SLC18A2: variants seen among roughly 807,000 people sequenced by gnomAD.
SLC18A2 encodes the protein solute carrier family 18 member A2, also known as synaptic vesicular amine transporter.
A neutral mutation model predicts 59.2 loss-of-function variants in SLC18A2; 33 were observed. The ratio of observed to expected loss-of-function variants is 0.56; its 90% confidence interval spans 0.42 to 0.75. The LOEUF is 0.75. SLC18A2 is among the 30% of genes least tolerant of loss of function. The pLI, the probability that SLC18A2 is intolerant of heterozygous loss-of-function variation, is 0.00. For synonymous variants in SLC18A2, 228 were observed against 253.5 expected (o/e 0.90, Z 0.95); for missense variants, 569 against 668.6 (o/e 0.85, Z 1.64).
At chr10:117,262,107 A>C (rs1565006471) in intron 10 of SLC18A2, among the ~76,000 whole-genome samples, 3 of 152,136 alleles carry the variant, frequency 2.0e-5, no homozygotes, top group Admixed American at 6.5e-5. Flanking sequence ...GGGTTTCACT[A>C]TCTTGGCCAG....
Position 117,256,780 on chromosome 10 carries a change from C to T in SLC18A2, c.896-1017C>T, listed in dbSNP as rs144441587. Among the ~76,000 whole-genome samples the T allele has an allele frequency of 3.3e-3, 497 of 152,194 alleles. 2 individuals carry two copies. Among genetic ancestry groups the T allele is most frequent in the African/African-American group, 0.011 (469 of 41,524 alleles). On this transcript the variant is annotated intron_variant, in intron 9 of 15. Coordinates refer to ENST00000644641, the MANE Select transcript of SLC18A2 (RefSeq NM_003054.6). ...GGAACCCTGGCATCTGAGGTGGGGA[C>T]GAGGAGGTATGGTGAGGGACGGGGG...
Position 117,249,786 on chromosome 10 carries a change from T to C in SLC18A2, c.465-3613T>C, listed in dbSNP as rs927611387. Among the ~76,000 whole-genome samples the C allele has an allele frequency of 1.1e-4, 17 of 152,094 alleles. 1 individual carries two copies. The highest frequency in any genetic ancestry group is 1.0e-3 in the Admixed American group (16 of 15,240). ...GTATATATAATTAACATAACTTTTA[T>C]TGTTTTACATGTTTTTCTAGGGATT... On this transcript the variant is annotated intron_variant, in intron 3 of 15. Coordinates refer to ENST00000644641, the MANE Select transcript of SLC18A2 (RefSeq NM_003054.6).
At chr10:117,257,097 T>A (rs1348209165) in intron 9 of SLC18A2, among the ~76,000 whole-genome samples, 1 of 152,198 alleles carries the variant, frequency 6.6e-6, no homozygotes, top group African/African-American at 2.4e-5. Context: ...ATGTGCACCT[T>A]CATCACGATT....
chr10:117,242,656 T>C (rs1173335276), intron 2 of SLC18A2, among the ~76,000 whole-genome samples: 2 of 152,246 alleles, frequency 1.3e-5, no homozygotes, highest in Non-Finnish European at 2.9e-5. Flanking sequence ...GAATGCTCCA[T>C]TGGACACATG....
chr10:117,257,529 T>G (rs1220626091), intron 9 of SLC18A2, among the ~76,000 whole-genome samples: 1 of 152,036 alleles, frequency 6.6e-6, no homozygotes, highest in Non-Finnish European at 1.5e-5. Flanking sequence ...AAACCATAAT[T>G]GGGTAGGTTA....
intron 3 of SLC18A2, among the ~76,000 whole-genome samples, chr10:117,250,626 G>A (rs1334112573): frequency 6.6e-6 from 1 of 152,166 alleles, no homozygotes; most frequent in African/African-American, 2.4e-5. Context: ...CCCCACCCAG[G>A]TGCACATCAG....
intron 9 of SLC18A2, among the ~76,000 whole-genome samples, chr10:117,255,984 C>T (rs1465291402): frequency 6.6e-6 from 1 of 152,110 alleles, no homozygotes; most frequent in Admixed American, 6.5e-5. Flanking sequence ...TATGGAAGGC[C>T]ATCATTGTTT....
In SLC18A2 at chr10:117,244,066, G is replaced by A. The variant is rs746707966; in HGVS notation, c.217G>A (p.Asp73Asn). 2 of 1,614,182 alleles carry A rather than the reference G, an allele frequency of 1.2e-6. No individual in the cohort carries two copies. ...ARPVHTASIS[D>N]SFQSIFSYYD... ...GCCAGTGCACACTGCCTCCATCTCA[G>A]ACAGCTTCCAGAGCATCTTCTCCTA... Residue 73 changes from aspartate (D) to asparagine (N), a missense_variant, in exon 3 of 16, where the codon GAC (aspartate) becomes AAC (asparagine). By Grantham distance (23) the Asp-to-Asn change is conservative. Transcript: ENST00000644641.
At chr10:117,274,187 C>T (rs1460269495) in intron 15 of SLC18A2, among the ~76,000 whole-genome samples, 3 of 152,016 alleles carry the variant, frequency 2.0e-5, no homozygotes, top group Admixed American at 2.0e-4. Context: ...AATTATTGCA[C>T]AATAGATCTT....
chr10:117,256,641 C>T (rs1383514357), intron 9 of SLC18A2, among the ~76,000 whole-genome samples: 1 of 152,162 alleles, frequency 6.6e-6, no homozygotes, highest in East Asian at 1.9e-4. Context: ...TAACCCTGGC[C>T]AAGACCCTGT....
Position 117,244,160 on chromosome 10 carries a change from A to G in SLC18A2, c.311A>G (p.Gln104Arg). 2 of 1,614,210 alleles carry G rather than the reference A, an allele frequency of 1.2e-6. No individual in the cohort carries two copies. The highest frequency in any genetic ancestry group is 1.1e-5 in the South Asian group (1 of 91,090). The change falls in exon 3 of 16, where the codon CAG becomes CGG. Residue 104 changes from glutamine to arginine, a missense_variant. Physicochemically the swap from Gln to Arg is conservative, Grantham distance 43. Transcript: ENST00000644641. ...CTGACACTTCATCAGACCGCCACAC[A>G]GCACATGGTGACCAACGCGTCCGCT... The part of the protein sequence containing the change: ...RDLTLHQTAT[Q>R]HMVTNASAVP...
intron 10 of SLC18A2, among the ~76,000 whole-genome samples, chr10:117,260,229 T>C (rs946032930): frequency 6.6e-6 from 1 of 152,176 alleles, no homozygotes; most frequent in African/African-American, 2.4e-5. Flanking sequence ...CCTGCCAGGG[T>C]GAAGGCTGGA....
intron 15 of SLC18A2, among the ~76,000 whole-genome samples, chr10:117,275,950 C>T (rs996456716): frequency 2.0e-5 from 3 of 152,022 alleles, no homozygotes; most frequent in African/African-American, 7.3e-5. Flanking sequence ...ATAGCTCTAG[C>T]ATGTTTTGCC....
chr10:117,242,010 C>T, intron 2 of SLC18A2, 196 bp downstream of exon 2: 7 of 503,084 alleles, frequency 1.4e-5, no homozygotes. Context: ...CTTCGCTTTC[C>T]TGATGCTCGG....
At position 117,269,304 on chromosome 10, in the gene SLC18A2, TAC is replaced by T. The variant is rs1380669522; in HGVS notation, c.1187-763_1187-762del. On this transcript the variant is annotated intron_variant, in intron 13 of 15. Transcript: ENST00000644641. This position sits in a 1 kb window ranked among gnomAD's most constrained non-coding sequence, Gnocchi z 5.1. The stretch of plus-strand genomic sequence containing the variant: ...ATGTACACACATATATACACATACA[TAC>T]ACAGATACATATATACATATACATA... 7.4e-5 allele frequency among the ~76,000 whole-genome samples: 11 copies of T among 148,688 alleles called. No homozygotes were observed. Among genetic ancestry groups the T allele is most frequent in the East Asian group, 2.0e-4 (1 of 4,982 alleles).
At chr10:117,271,141 C>T (rs752141052) in intron 15 of SLC18A2, among the ~76,000 whole-genome samples, 1 of 152,208 alleles carries the variant, frequency 6.6e-6, no homozygotes, top group Non-Finnish European at 1.5e-5. Context: ...AGCAAGGAGA[C>T]GCTCAGTGTT....
chr10:117,265,811 C>T (rs997605571), intron 10 of SLC18A2, among the ~76,000 whole-genome samples: 3 of 152,102 alleles, frequency 2.0e-5, no homozygotes, highest in African/African-American at 7.2e-5. Flanking sequence ...GATAGGAGGC[C>T]GGACGTGGTG....
chr10:117,275,207 G>A (rs1266775903), intron 15 of SLC18A2, among the ~76,000 whole-genome samples: 2 of 152,134 alleles, frequency 1.3e-5, no homozygotes, highest in Non-Finnish European at 2.9e-5. Flanking sequence ...CACTTGGCAA[G>A]CAGCATAAAA....
In SLC18A2 at chr10:117,254,445, G is replaced by C; in HGVS notation, c.648G>C (p.Glu216Asp). 1.2e-6 allele frequency: 2 copies of C among 1,610,396 alleles called. No individual in the cohort carries two copies. Among genetic ancestry groups the C allele is most frequent in the South Asian group, 2.2e-5 (2 of 90,554 alleles). Residue 216 changes from glutamate to aspartate, a missense_variant, in exon 6 of 16, where the codon GAG (glutamate) becomes GAC (aspartate). By Grantham distance (45) the Glu-to-Asp change is conservative. Transcript: ENST00000644641. Reference protein sequence around the residue: ...MLASVYTDDEERGNVMGIALG... With the variant: ...MLASVYTDDEDRGNVMGIALG... ...CCAGTGTCTACACAGATGATGAAGAGAGAGGCAACGTCATGGGAATCGCCT... is the reference window on the plus strand; with the variant it reads ...CCAGTGTCTACACAGATGATGAAGACAGAGGCAACGTCATGGGAATCGCCT...
Sources: allele counts gnomAD v4.1 joint callset (sites outside exome capture counted in the v4.1 genomes callset), GRCh38; gene constraint gnomAD v4.1.1; non-coding constraint Gnocchi (gnomAD v3.1); transcripts MANE v1.5; gene names NCBI Gene and HGNC (gene_info 2026-07-23, HGNC 2026-07-21).